Variants in ADAMTS9 observed in about 807,000 individuals in gnomAD.
ADAMTS9 encodes the protein ADAM metallopeptidase with thrombospondin type 1 motif 9.
ADAMTS9 carries 107 observed loss-of-function variants against 257.1 expected under a neutral mutation model. The observed-to-expected ratio is 0.42, with a 90% CI of 0.36 to 0.49. The LOEUF is 0.49. Among genes scored for constraint, ADAMTS9 ranks in the 20% least tolerant of loss-of-function variants. ADAMTS9 has a pLI of 0.03. For synonymous variants in ADAMTS9, 982 were observed against 880.9 expected, an observed-to-expected ratio of 1.11 and a Z score of -2.03; for missense variants, 2,353 against 2,469.1, an observed-to-expected ratio of 0.95 and a Z score of 1.00.
chr3:64,615,895 C>T (rs2084752942), intron 20 of ADAMTS9, 65 bp downstream of exon 20: 2 of 1,590,394 alleles, frequency 1.3e-6, no homozygotes, highest in Admixed American at 1.7e-5. Flanking sequence ...TACACACCTG[C>T]AAGGAGCCAC....
chr3:64,622,536 T>G lies in ADAMTS9; in HGVS notation c.2440A>C (p.Thr814Pro). The G allele has an allele frequency of 6.2e-7, 1 of 1,614,152 alleles. No homozygotes were observed. Among genetic ancestry groups the G allele is most frequent in the Non-Finnish European group, 8.5e-7 (1 of 1,179,990 alleles). Residue 814 changes from threonine (T) to proline (P), a missense_variant, in exon 17 of 40, where the codon ACA (threonine) becomes CCA (proline). Thr to Pro is a conservative substitution (Grantham distance 38, BLOSUM62 -1). This residue lies in a region of ADAMTS9 where 360 missense variants were observed against 458.1 expected (regional missense o/e 0.79). Coordinates refer to ENST00000498707, the MANE Select transcript of ADAMTS9 (RefSeq NM_182920.2). ...EFLLNGNFVVTMAKREIRIGN... is the reference protein window; with the variant it reads ...EFLLNGNFVVPMAKREIRIGN... ...ATGCGAATTTCCCTTTTGGCCATTG[T>G]GACAACAAAGTTTCCATTTAGCAAG...
intron 12 of ADAMTS9, among the ~76,000 whole-genome samples, chr3:64,635,025 T>C (rs1232497124): frequency 3.3e-5 from 5 of 152,158 alleles, no homozygotes; most frequent in Non-Finnish European, 7.3e-5. Flanking sequence ...TCCCCTTCTT[T>C]ACAATAAGTG....
Position 64,594,451 on chromosome 3 carries a change from G to A in ADAMTS9, c.4180-17C>T. 1 of 1,602,900 alleles carries A rather than the reference G, an allele frequency of 6.2e-7. No individual in the cohort carries two copies. The highest frequency in any genetic ancestry group is 8.5e-7 in the Non-Finnish European group (1 of 1,174,842). ...CTTAGTGCACTGGAAGAAGGAAAAGGAAGGCTGCAGTTATTTTGTCTGAAA... is the reference window on the plus strand; with the variant it reads ...CTTAGTGCACTGGAAGAAGGAAAAGAAAGGCTGCAGTTATTTTGTCTGAAA... On this transcript the variant is annotated splice_polypyrimidine_tract_variant and intron_variant, in intron 27 of 39. Coordinates refer to ENST00000498707, the MANE Select transcript of ADAMTS9 (RefSeq NM_182920.2).
intron 28 of ADAMTS9, among the ~76,000 whole-genome samples, chr3:64,593,709 C>T (rs1390940830): frequency 6.6e-6 from 1 of 152,206 alleles, no homozygotes; most frequent in Admixed American, 6.5e-5. Context: ...GGCACCAGGT[C>T]ACCTGTTCCA....
intron 38 of ADAMTS9, among the ~76,000 whole-genome samples, chr3:64,527,567 T>TA (rs5849604): frequency 0.99 from 150,919 of 152,240 alleles, 74,818 homozygotes; most frequent in Non-Finnish European, 1. Flanking sequence ...ATAATGATTA[T>TA]GGGGCTAAAA....
At chr3:64,678,165 T>G (rs1420905449) in intron 3 of ADAMTS9, among the ~76,000 whole-genome samples, 2 of 152,162 alleles carry the variant, frequency 1.3e-5, no homozygotes, top group Non-Finnish European at 2.9e-5. Context: ...GATGGGTTGG[T>G]GTTGAATATA....
intron 16 of ADAMTS9, among the ~76,000 whole-genome samples, chr3:64,628,353 AGGGAAGAATAGCAGAGAATCC>A (rs1396304467): frequency 2.6e-5 from 4 of 152,212 alleles, no homozygotes; most frequent in Admixed American, 6.5e-5. Context: ...TTTCCAAGAA[AGGGAAGAATAGCAGAGAATCC>A]TTCTCTCTTT....
chr3:64,539,123 A>C, intron 37 of ADAMTS9, 80 bp downstream of exon 37: 2 of 1,393,750 alleles, frequency 1.4e-6, no homozygotes, highest in Non-Finnish European at 2.0e-6. Context: ...TCACATTCCC[A>C]GGAACAGATG....
rs768791445 is a variant in ADAMTS9, at chr3:64,568,482, T to G, written c.4410A>C (p.Ala1470=). The change falls in exon 29 of 40, where the codon GCA becomes GCC. Residue 1470 remains alanine (A), a synonymous_variant. Transcript: ENST00000498707. ...GHKQRNVYCM[A]KDGSHLESDY... is the part of the protein sequence containing the mutation. ...CACTTTCTAAATGGCTTCCATCTTT[T>G]GCCATGCAGTAAACATTTCGTTGTT... 1 of 1,614,176 alleles carries G rather than the reference T, an allele frequency of 6.2e-7. No homozygotes were observed. Among genetic ancestry groups the G allele is most frequent in the Non-Finnish European group, 8.5e-7 (1 of 1,180,002 alleles).
intron 16 of ADAMTS9, 138 bp from the exon 17 acceptor site, chr3:64,622,724 G>A: frequency 1.2e-6 from 1 of 866,148 alleles, no homozygotes; most frequent in Non-Finnish European, 1.7e-6. Flanking sequence ...ATGGCTTCAA[G>A]TCCCAAGTTT....
At chr3:64,643,308 A>G (rs923862093) in intron 11 of ADAMTS9, among the ~76,000 whole-genome samples, 1 of 152,204 alleles carries the variant, frequency 6.6e-6, no homozygotes, top group Admixed American at 6.5e-5. Context: ...ACAGAACATG[A>G]ACCACATATA....
chr3:64,569,958 C>A (rs542228532), intron 28 of ADAMTS9, among the ~76,000 whole-genome samples: 3 of 152,204 alleles, frequency 2.0e-5, no homozygotes, highest in Admixed American at 2.0e-4. Context: ...AAAGACTTTG[C>A]GATATAATTC....
At chr3:64,637,678 C>T (rs928065000) in intron 12 of ADAMTS9, among the ~76,000 whole-genome samples, 3 of 152,230 alleles carry the variant, frequency 2.0e-5, no homozygotes, top group Non-Finnish European at 4.4e-5. Context: ...TGGCACAAGA[C>T]ATTTCTAAAG....
chr3:64,687,188 TAAC>T lies in ADAMTS9; in HGVS notation c.116-223_116-221del, dbSNP rs1291150446. Among the ~76,000 whole-genome samples, 1 of 152,148 alleles carries T rather than the reference TAAC, an allele frequency of 6.6e-6. No homozygotes were observed. Among genetic ancestry groups the T allele is most frequent in the Non-Finnish European group, 1.5e-5 (1 of 68,016 alleles). On this transcript the variant is annotated intron_variant, in intron 1 of 39. Transcript: ENST00000498707. The surrounding 1 kb of genome is among the most constrained non-coding windows in gnomAD (Gnocchi z 4.4). ...GATACACTATTCCGAGCCAGACAATTAACAAGTCAAAATATATATGATTTCAGA... is the reference window on the plus strand; with the variant it reads ...GATACACTATTCCGAGCCAGACAATTAAGTCAAAATATATATGATTTCAGA...
At chr3:64,542,430 C>CTTTCTTTT (rs56347750) in intron 32 of ADAMTS9, among the ~76,000 whole-genome samples, 25 of 124,500 alleles carry the variant, frequency 2.0e-4, no homozygotes, top group Non-Finnish European at 3.3e-4. Context: ...TTCTTTCTTT[C>CTTTCTTTT]TTTTTTTTTT....
chr3:64,597,034 A>G, intron 26 of ADAMTS9, 43 bp from the exon 27 acceptor site: 1 of 1,605,190 alleles, frequency 6.2e-7, no homozygotes, highest in Non-Finnish European at 8.5e-7. Context: ...CTCAATCTCC[A>G]TCTTAGGGAC....
intron 16 of ADAMTS9, among the ~76,000 whole-genome samples, chr3:64,630,638 G>A (rs958454290): frequency 3.9e-5 from 6 of 152,154 alleles, no homozygotes; most frequent in Non-Finnish European, 5.9e-5. Flanking sequence ...GTGTGGGCAA[G>A]GGAGAGCATC....
chr3:64,621,090 G>A (rs1218163956), intron 19 of ADAMTS9, 24 bp downstream of exon 19: 10 of 1,595,018 alleles, frequency 6.3e-6, no homozygotes, highest in Non-Finnish European at 6.8e-6. Context: ...CAGTAATAAA[G>A]GCCTTGAGAA....
chr3:64,590,569 T>G (rs771080938), intron 28 of ADAMTS9, among the ~76,000 whole-genome samples: 20 of 152,180 alleles, frequency 1.3e-4, no homozygotes, highest in Non-Finnish European at 2.2e-4. Flanking sequence ...GTAGTGATAT[T>G]TACAATCTTT....
Sources: allele counts gnomAD v4.1 joint callset (sites outside exome capture counted in the v4.1 genomes callset), GRCh38; gene constraint gnomAD v4.1.1; regional missense constraint gnomAD v4.1.1; non-coding constraint Gnocchi (gnomAD v3.1); transcripts MANE v1.5; gene names NCBI Gene and HGNC (gene_info 2026-07-23, HGNC 2026-07-21).